ELMOD1: variants seen among roughly 807,000 people sequenced by gnomAD.
ELMOD1 encodes ELMO domain containing 1, also known as ELMO domain-containing protein 1.
ELMOD1 carries 21 observed loss-of-function variants against 46.7 expected under a neutral mutation model. The observed-to-expected ratio is 0.45, with a 90% CI of 0.32 to 0.65. The LOEUF (loss-of-function observed/expected upper bound fraction) is 0.65, where lower values mean the gene tolerates loss of function less well. ELMOD1 is among the 30% of genes least tolerant of loss of function. ELMOD1 has a pLI of 0.04. For missense variants in ELMOD1, 348 were observed against 407.8 expected, an observed-to-expected ratio of 0.85 and a Z score of 1.26; for synonymous variants, 122 against 138.2, an observed-to-expected ratio of 0.88 and a Z score of 0.82.
chr11:107,611,373 C>A (rs1040193251), intron 1 of ELMOD1, among the ~76,000 whole-genome samples: 2 of 152,172 alleles, frequency 1.3e-5, no homozygotes, highest in South Asian at 2.1e-4. Context: ...GGAACTTGAA[C>A]AATTCAACAT....
chr11:107,663,026 G>C (rs537825742), intron 11 of ELMOD1, among the ~76,000 whole-genome samples: 7 of 152,040 alleles, frequency 4.6e-5, no homozygotes, highest in African/African-American at 1.7e-4. Context: ...ACAGTGCCTG[G>C]CAAGAAACAA....
chr11:107,642,656 C>T (rs539267542), intron 6 of ELMOD1, among the ~76,000 whole-genome samples: 26 of 152,280 alleles, frequency 1.7e-4, no homozygotes, highest in Admixed American at 2.6e-4. Flanking sequence ...TGAGCCACCG[C>T]GCCCAGCAAT....
chr11:107,647,391 T>C (rs1296673657), intron 6 of ELMOD1, 77 bp from the exon 7 acceptor site: 2 of 1,413,422 alleles, frequency 1.4e-6, no homozygotes, highest in South Asian at 1.4e-5. Context: ...AAGCTCCTCC[T>C]AATAATGTAG....
intron 2 of ELMOD1, among the ~76,000 whole-genome samples, chr11:107,627,071 C>G (rs574113319): frequency 6.6e-6 from 1 of 152,172 alleles, no homozygotes; most frequent in African/African-American, 2.4e-5. Flanking sequence ...TTACACCTGT[C>G]AAAACATAAT....
At chr11:107,617,250 A>G (rs1865878006) in intron 1 of ELMOD1, among the ~76,000 whole-genome samples, 1 of 152,204 alleles carries the variant, frequency 6.6e-6, no homozygotes, top group South Asian at 2.1e-4. Context: ...ATGAGTTCCC[A>G]CACTCTGGGC....
rs1866818958 is a variant in ELMOD1 at position 107,665,077 on chromosome 11, C to T, written c.885C>T (p.Asp295=). The change falls in exon 12 of 12, where the codon GAC becomes GAT. Residue 295 remains aspartate, a synonymous_variant. Transcript: ENST00000265840. ...HKFWIEEDPM[D]IMEFNRVREK... ...TTTGGATCGAAGAGGACCCCATGGACATAATGGAATTTAATCGTGTGAGGG... is the reference window on the plus strand; with the variant it reads ...TTTGGATCGAAGAGGACCCCATGGATATAATGGAATTTAATCGTGTGAGGG... 6.2e-7 allele frequency: 1 copy of T among 1,613,700 alleles called. No homozygotes were observed. The highest frequency in any genetic ancestry group is 8.5e-7 in the Non-Finnish European group (1 of 1,179,850).
At chr11:107,615,687 C>A (rs1316970519) in intron 1 of ELMOD1, among the ~76,000 whole-genome samples, 2 of 152,138 alleles carry the variant, frequency 1.3e-5, no homozygotes, top group African/African-American at 4.8e-5. Context: ...CAGGATAATA[C>A]ATTACGTGTA....
At chr11:107,611,467 G>A (rs557388989) in intron 1 of ELMOD1, among the ~76,000 whole-genome samples, 2 of 152,200 alleles carry the variant, frequency 1.3e-5, no homozygotes, top group East Asian at 1.9e-4. Context: ...TTGGGAGGCC[G>A]AGGTGGGCGG....
chr11:107,598,521 G>A (rs1346625178), intron 1 of ELMOD1, among the ~76,000 whole-genome samples: 5 of 152,340 alleles, frequency 3.3e-5, no homozygotes, highest in Non-Finnish European at 7.3e-5. Context: ...GATCAGTCAA[G>A]GAGACACAGA....
Position 107,665,297 on chromosome 11 carries a change from T to C in ELMOD1, c.*100T>C. ...CTCACGCATTGAATGCACACAGTGATTGTATGCATGCCTTTTGGTACAGTG... is the reference window on the plus strand; with the variant it reads ...CTCACGCATTGAATGCACACAGTGACTGTATGCATGCCTTTTGGTACAGTG... On this transcript the variant is annotated 3_prime_UTR_variant, in exon 12 of 12. Transcript: ENST00000265840. The C allele has an allele frequency of 4.3e-6, 5 of 1,164,786 alleles. No individual in the cohort carries two copies. The highest frequency in any genetic ancestry group is 6.2e-6 in the Non-Finnish European group (5 of 810,224). The allele number at this position is 1,164,786 out of a possible 1,614,324, so 72.2% of individuals were successfully genotyped here. A position where few individuals can be genotyped will look rare whatever the true frequency, so the allele number is the denominator to read the frequency against.
At chr11:107,645,104 T>TC (rs1866403238) in intron 6 of ELMOD1, among the ~76,000 whole-genome samples, 1 of 143,306 alleles carries the variant, frequency 7.0e-6, no homozygotes, top group South Asian at 2.3e-4. Flanking sequence ...TTTTTTTTTT[T>TC]TTTTTTGTAT....
chr11:107,633,038 A>G (rs984868180), intron 5 of ELMOD1, among the ~76,000 whole-genome samples: 1 of 152,334 alleles, frequency 6.6e-6, no homozygotes, highest in Admixed American at 6.5e-5. Context: ...AATTACCTTC[A>G]GGCTATGTGT....
At chr11:107,633,995 C>T (rs1866185723) in intron 5 of ELMOD1, among the ~76,000 whole-genome samples, 1 of 152,132 alleles carries the variant, frequency 6.6e-6, no homozygotes, top group African/African-American at 2.4e-5. Flanking sequence ...GGAGCAGGTA[C>T]ACAGTTCTAA....
In ELMOD1 at chr11:107,617,999, C is replaced by A. The variant is rs559393640; in HGVS notation, c.-85-106C>A. On this transcript the variant is annotated intron_variant, in intron 1 of 11. Transcript: ENST00000265840. ...TGTGGGCAGTTCTGTTGATAATGTT[C>A]TGGGTGGCTGGCATGTTAACTGCTT... 2.3e-4 allele frequency: 143 copies of A among 634,556 alleles called. 2 individuals are homozygous for A. In the East Asian group the frequency reaches 3.9e-3, roughly 17 times the overall value. The allele number at this position is 634,556 out of a possible 1,614,324, so 39.3% of individuals were successfully genotyped here.
At chr11:107,603,647 C>G (rs931413571) in intron 1 of ELMOD1, among the ~76,000 whole-genome samples, 1 of 151,890 alleles carries the variant, frequency 6.6e-6, no homozygotes, top group Non-Finnish European at 1.5e-5. Context: ...AACTCCTGAA[C>G]ATGGCTGAGA....
intron 1 of ELMOD1, among the ~76,000 whole-genome samples, chr11:107,610,998 CAAAAAAA>C (rs58417281): frequency 2.0e-4 from 19 of 95,776 alleles, no homozygotes; most frequent in South Asian, 3.7e-4. Flanking sequence ...TGTAAGAATC[CAAAAAAA>C]AAAAAAAAAA....
At chr11:107,613,285 G>A (rs758397453) in intron 1 of ELMOD1, among the ~76,000 whole-genome samples, 2 of 152,112 alleles carry the variant, frequency 1.3e-5, no homozygotes, top group Non-Finnish European at 2.9e-5. Context: ...TGCCTTACAT[G>A]CTTTGGTTCT....
intron 11 of ELMOD1, among the ~76,000 whole-genome samples, chr11:107,663,294 A>G (rs1866775940): frequency 6.6e-6 from 1 of 152,124 alleles, no homozygotes; most frequent in African/African-American, 2.4e-5. Flanking sequence ...CTCATCAGAA[A>G]TGTTAAAAAC....
At chr11:107,608,391 G>T (rs1249299918) in intron 1 of ELMOD1, among the ~76,000 whole-genome samples, 1 of 152,084 alleles carries the variant, frequency 6.6e-6, no homozygotes, top group Non-Finnish European at 1.5e-5. Context: ...AAAGGGAAAG[G>T]TGTGATGTAT....
Sources: allele counts gnomAD v4.1 joint callset (sites outside exome capture counted in the v4.1 genomes callset), GRCh38; gene constraint gnomAD v4.1.1; transcripts MANE v1.5; gene names NCBI Gene and HGNC (gene_info 2026-07-23, HGNC 2026-07-21).